The following NYAP2 variants were observed in gnomAD, a reference collection of about 807,000 sequenced individuals.
NYAP2 encodes the protein neuronal tyrosine-phosphorylated phosphoinositide-3-kinase adaptor 2.
In NYAP2, 23 loss-of-function variants were observed where a neutral mutation model predicts 50.4. The observed-to-expected ratio is 0.46, with a 90% confidence interval of 0.33 to 0.65. The LOEUF is 0.65. Among genes scored for constraint, NYAP2 ranks in the 30% least tolerant of loss-of-function variants. NYAP2 has a pLI of 0.02. For synonymous variants in NYAP2, 394 were observed against 365.2 expected (o/e 1.08, Z -0.90); for missense variants, 885 against 861.0 (o/e 1.03, Z -0.35).
upstream of NYAP2, among the ~76,000 whole-genome samples, chr2:225,398,037 T>C (rs760465562): frequency 3.3e-5 from 5 of 152,106 alleles, no homozygotes; most frequent in Non-Finnish European, 7.4e-5. Context: ...ATTCTTCTAA[T>C]ATAAAGATTC....
At chr2:225,549,442 G>A (rs543657102) in intron 4 of NYAP2, among the ~76,000 whole-genome samples, 22 of 152,242 alleles carry the variant, frequency 1.4e-4, no homozygotes, top group South Asian at 1.2e-3. Context: ...AGCAAAGCTC[G>A]TATGATTCTA....
At chr2:225,526,288 A>G (rs773916491) in intron 4 of NYAP2, among the ~76,000 whole-genome samples, 1 of 152,196 alleles carries the variant, frequency 6.6e-6, no homozygotes, top group Non-Finnish European at 1.5e-5. Flanking sequence ...GTTTCTAGAC[A>G]GAGAAAAGCA....
the NYAP2 span, among the ~76,000 whole-genome samples, chr2:225,677,769 T>C: frequency 2.6e-5 from 4 of 152,316 alleles, no homozygotes; most frequent in East Asian, 7.7e-4. Flanking sequence ...AAAATCTTCT[T>C]GATCATCTTA....
At chr2:225,668,951 C>T in the NYAP2 span, among the ~76,000 whole-genome samples, 1 of 130,278 alleles carries the variant, frequency 7.7e-6, no homozygotes, top group Non-Finnish European at 1.6e-5. Flanking sequence ...AATTGGTGTC[C>T]CCTGCTTTTT....
At chr2:225,609,154 G>A (rs1215845000) in intron 5 of NYAP2, among the ~76,000 whole-genome samples, 1 of 152,054 alleles carries the variant, frequency 6.6e-6, no homozygotes, top group Non-Finnish European at 1.5e-5. Context: ...TCAGAGAACA[G>A]CTGCTACATA....
intron 3 of NYAP2, among the ~76,000 whole-genome samples, chr2:225,484,397 G>A (rs1460838498): frequency 6.6e-6 from 1 of 152,124 alleles, no homozygotes; most frequent in African/African-American, 2.4e-5. Context: ...TAAGTAATAG[G>A]CATTACTATT....
At chr2:225,489,296 C>G (rs929825638) in intron 3 of NYAP2, among the ~76,000 whole-genome samples, 1 of 151,972 alleles carries the variant, frequency 6.6e-6, no homozygotes, top group Admixed American at 6.6e-5. Context: ...TGTGTTCAAG[C>G]AATTCTCCTG....
intron 3 of NYAP2, among the ~76,000 whole-genome samples, chr2:225,495,951 T>C (rs374531310): frequency 5.3e-5 from 8 of 152,200 alleles, no homozygotes; most frequent in East Asian, 3.8e-4. Flanking sequence ...TAACTGATCT[T>C]GACCTCCGCA....
intron 5 of NYAP2, among the ~76,000 whole-genome samples, chr2:225,606,917 C>A (rs377354179): frequency 2.0e-5 from 3 of 152,198 alleles, no homozygotes; most frequent in Admixed American, 6.5e-5. Context: ...ACACTGCTGG[C>A]AGCACCTAAG....
At chr2:225,428,753 G>A (rs1695323383) in intron 3 of NYAP2, among the ~76,000 whole-genome samples, 1 of 152,204 alleles carries the variant, frequency 6.6e-6, no homozygotes, top group Non-Finnish European at 1.5e-5. Flanking sequence ...CTGGGCTTTA[G>A]AATTGAATCT....
chr2:225,398,569 G>A (rs1233545904), upstream of NYAP2, among the ~76,000 whole-genome samples: 2 of 151,894 alleles, frequency 1.3e-5, no homozygotes, highest in African/African-American at 2.4e-5. Context: ...TAGTTTATAA[G>A]TGGTGCTTGA....
In NYAP2 at chr2:225,478,988, G is replaced by A. The variant is rs115923177; in HGVS notation, c.222-34383G>A. 2.3e-3 allele frequency among the ~76,000 whole-genome samples: 355 copies of A among 151,724 alleles called. 2 individuals are homozygous for A. The highest frequency in any genetic ancestry group is 8.1e-3 in the African/African-American group (335 of 41,386). ...TGCTGCTAGAGAATCCAATCATTGG[G>A]AAAAAAAATAAGAGATTCAGCATTA... On this transcript the variant is annotated intron_variant, in intron 3 of 6. Transcript: ENST00000636099.
intron 4 of NYAP2, among the ~76,000 whole-genome samples, chr2:225,572,752 G>A (rs1214985069): frequency 1.3e-5 from 2 of 152,144 alleles, no homozygotes; most frequent in African/African-American, 4.8e-5. Context: ...TATGTATGTA[G>A]TGGCTTCAGG....
chr2:225,651,152 G>A (rs920819688), intron 6 of NYAP2, among the ~76,000 whole-genome samples: 3 of 152,132 alleles, frequency 2.0e-5, no homozygotes, highest in Non-Finnish European at 4.4e-5. Flanking sequence ...GTTGCTCCAG[G>A]GATGACTCCA....
At chr2:225,437,417 G>A (rs1402654636) in intron 3 of NYAP2, among the ~76,000 whole-genome samples, 1 of 152,138 alleles carries the variant, frequency 6.6e-6, no homozygotes. Flanking sequence ...AGGTAGCTAG[G>A]CTATTTCTGT....
chr2:225,622,283 T>C (rs1269276609), intron 5 of NYAP2, among the ~76,000 whole-genome samples: 1 of 152,166 alleles, frequency 6.6e-6, no homozygotes, highest in African/African-American at 2.4e-5. Flanking sequence ...CCTCCTGTTT[T>C]GGCCTCCCAA....
intron 4 of NYAP2, among the ~76,000 whole-genome samples, chr2:225,560,684 A>G (rs1181702478): frequency 1.3e-5 from 2 of 152,066 alleles, no homozygotes; most frequent in East Asian, 1.9e-4. Context: ...TGGCACAAGC[A>G]GGAGCTGGAA....
At chr2:225,555,284 G>A (rs946127838) in intron 4 of NYAP2, among the ~76,000 whole-genome samples, 2 of 152,114 alleles carry the variant, frequency 1.3e-5, no homozygotes, top group Admixed American at 6.6e-5. Context: ...TATATTCTGT[G>A]CACCTGAGTT....
the NYAP2 span, among the ~76,000 whole-genome samples, chr2:225,687,434 G>C: frequency 1.3e-5 from 2 of 152,104 alleles, no homozygotes; most frequent in African/African-American, 4.8e-5. Flanking sequence ...GAACTTTTAT[G>C]ATGTCACTGA....
Sources: allele counts gnomAD v4.1 joint callset (sites outside exome capture counted in the v4.1 genomes callset), GRCh38; gene constraint gnomAD v4.1.1; transcripts MANE v1.5; gene names NCBI Gene and HGNC (gene_info 2026-07-23, HGNC 2026-07-21).